DPYS: variants seen among roughly 807,000 people sequenced by gnomAD.
DPYS encodes dihydropyrimidine amidohydrolase.
DPYS carries 39 observed loss-of-function variants against 50.3 expected under a neutral mutation model. The ratio of observed to expected loss-of-function variants is 0.78; its 90% CI spans 0.60 to 1.01. The LOEUF is 1.01. Ranked by LOEUF, DPYS falls within the 50% of genes least tolerant of loss-of-function variation. The pLI, the probability that DPYS is intolerant of heterozygous loss-of-function variation, is 0.00. For synonymous variants in DPYS, 245 were observed against 250.7 expected, an observed-to-expected ratio of 0.98 and a Z score of 0.22; for missense variants, 659 against 680.9, an observed-to-expected ratio of 0.97 and a Z score of 0.36.
intron 3 of DPYS, 116 bp from the exon 4 acceptor site, chr8:104,444,553 T>A (rs931428654): frequency 9.6e-7 from 1 of 1,041,346 alleles, no homozygotes; most frequent in African/African-American, 1.6e-5. Context: ...GGTATAGGGG[T>A]GTGTGTGTGT....
chr8:104,466,834 G>A lies in DPYS; in HGVS notation c.87C>T (p.Asp29=). Residue 29 remains aspartate (D), a synonymous_variant, in exon 1 of 10, where the codon GAC becomes GAT. Coordinates refer to ENST00000351513, the MANE Select transcript of DPYS (RefSeq NM_001385.3). ...FSEVADVLVE[D]GVVRALGHDL... ...CGTGCCCGAGTGCCCGCACCACGCCGTCCTCCACCAGCACGTCGGCCACCT... is the reference window on the plus strand; with the variant it reads ...CGTGCCCGAGTGCCCGCACCACGCCATCCTCCACCAGCACGTCGGCCACCT... The A allele has an allele frequency of 6.5e-7, 1 of 1,533,096 alleles. No individual in the cohort carries two copies. The highest frequency in any genetic ancestry group is 8.7e-7 in the Non-Finnish European group (1 of 1,145,276). 95.0% of individuals were successfully genotyped at this position (1,533,096 alleles called of 1,614,324 possible).
intron 7 of DPYS, among the ~76,000 whole-genome samples, chr8:104,393,521 G>A (rs1513026): frequency 0.35 from 53,599 of 152,038 alleles, 12,384 homozygotes; most frequent in African/African-American, 0.65. Context: ...GGAAAAGTAT[G>A]TATGGAATTT....
chr8:104,432,125 T>C (rs1397563741), intron 4 of DPYS, among the ~76,000 whole-genome samples: 2 of 152,184 alleles, frequency 1.3e-5, no homozygotes, highest in Admixed American at 6.5e-5. Context: ...TCATCATTAA[T>C]CTCCTCCCAC....
At chr8:104,388,717 C>A (rs998107925) in intron 8 of DPYS, among the ~76,000 whole-genome samples, 10 of 152,130 alleles carry the variant, frequency 6.6e-5, no homozygotes, top group Admixed American at 2.0e-4. Flanking sequence ...CCCTTAGGAT[C>A]AGCTGTCTAC....
chr8:104,463,314 C>A (rs73293241), intron 1 of DPYS, among the ~76,000 whole-genome samples: 3,714 of 152,226 alleles, frequency 0.024, 146 homozygotes, highest in African/African-American at 0.083. Context: ...ATTTTGATAA[C>A]CTTAACTGCC....
At chr8:104,398,854 A>T (rs1440302179) in intron 7 of DPYS, among the ~76,000 whole-genome samples, 1 of 152,180 alleles carries the variant, frequency 6.6e-6, no homozygotes, top group Non-Finnish European at 1.5e-5. Context: ...TAACTTGCCC[A>T]AAGTGGCTTC....
intron 6 of DPYS, among the ~76,000 whole-genome samples, chr8:104,425,814 G>A (rs1264035962): frequency 6.6e-6 from 1 of 151,910 alleles, no homozygotes; most frequent in East Asian, 1.9e-4. Context: ...ATGGTAAGAG[G>A]GTACTAAAGG....
intron 7 of DPYS, chr8:104,423,907 C>A (rs1158276025): frequency 1.2e-6 from 1 of 854,394 alleles, no homozygotes; most frequent in Non-Finnish European, 1.4e-6. Context: ...TCAATTCAAC[C>A]CTTTTCAAAC....
chr8:104,445,142 G>C (rs1813484532), intron 3 of DPYS, among the ~76,000 whole-genome samples: 1 of 152,290 alleles, frequency 6.6e-6, no homozygotes, highest in African/African-American at 2.4e-5. Flanking sequence ...TGGAGAAAAG[G>C]GAACCTATGT....
chr8:104,409,764 T>C (rs1056558437), intron 7 of DPYS, among the ~76,000 whole-genome samples: 2 of 152,228 alleles, frequency 1.3e-5, no homozygotes, highest in Non-Finnish European at 1.5e-5. Context: ...ATTAAAGGCA[T>C]TAACTCTTCT....
chr8:104,402,132 A>G (rs1344912666), intron 7 of DPYS, among the ~76,000 whole-genome samples: 1 of 152,210 alleles, frequency 6.6e-6, no homozygotes, highest in Non-Finnish European at 1.5e-5. Context: ...TCATGGTGAG[A>G]TAAATTGGAT....
Position 104,429,583 on chromosome 8 carries a change from G to T in DPYS, c.912C>A (p.Asp304Glu). ...HHVMGPPLRPDPSTPDFLMNL... is the reference protein window; with the variant it reads ...HHVMGPPLRPEPSTPDFLMNL... ...TCATGAGGAAGTCGGGTGTTGAGGG[G>T]TCTGGTCGCAAAGGTGGACCCATGA... The change falls in exon 5 of 10, where the codon GAC becomes GAA. Residue 304 changes from aspartate to glutamate, a missense_variant. Coordinates refer to ENST00000351513, the MANE Select transcript of DPYS (RefSeq NM_001385.3). 1 of 1,614,116 alleles carries T rather than the reference G, an allele frequency of 6.2e-7. No homozygotes were observed.
At chr8:104,453,952 T>C (rs1701664467) in intron 1 of DPYS, among the ~76,000 whole-genome samples, 1 of 152,128 alleles carries the variant, frequency 6.6e-6, no homozygotes, top group South Asian at 2.1e-4. Flanking sequence ...AAAGATAATA[T>C]ATTGTGTGAT....
At chr8:104,443,142 T>A (rs1813410552) in intron 4 of DPYS, among the ~76,000 whole-genome samples, 1 of 152,244 alleles carries the variant, frequency 6.6e-6, no homozygotes, top group African/African-American at 2.4e-5. Context: ...TGTCTCTGAT[T>A]ATCTGCATTC....
chr8:104,402,988 G>T (rs1811871390), intron 7 of DPYS, among the ~76,000 whole-genome samples: 1 of 152,086 alleles, frequency 6.6e-6, no homozygotes. Context: ...ACAATGATCG[G>T]GATATAAACC....
chr8:104,415,522 G>A (rs1812334127), intron 7 of DPYS, among the ~76,000 whole-genome samples: 2 of 151,378 alleles, frequency 1.3e-5, no homozygotes, highest in Admixed American at 1.3e-4. Context: ...ATAAAGAGTG[G>A]TTAAAATTGT....
At chr8:104,397,430 T>G (rs941727736) in intron 7 of DPYS, among the ~76,000 whole-genome samples, 4 of 152,176 alleles carry the variant, frequency 2.6e-5, no homozygotes, top group Non-Finnish European at 5.9e-5. Context: ...TTTAGTCAGG[T>G]TGGTTTAAAT....
At position 104,453,579 on chromosome 8, in the gene DPYS, A is replaced by G. The variant is rs752385055; in HGVS notation, c.265-2175T>C. On this transcript the variant is annotated intron_variant, in intron 1 of 9. Transcript: ENST00000351513. ...ACCACACGCAGGATGTGGAGAAACT[A>G]GATACACAGCTGGTGGGAATGCAAA... Among the ~76,000 whole-genome samples, 12 of 152,340 alleles carry G rather than the reference A, an allele frequency of 7.9e-5. No homozygotes were observed. The South Asian group carries it at 2.3e-3, about 29-fold the overall frequency.
chr8:104,433,731 A>G (rs2333871), intron 4 of DPYS, among the ~76,000 whole-genome samples: 28,194 of 152,170 alleles, frequency 0.19, 3,313 homozygotes, highest in South Asian at 0.3. Context: ...GCATCAGTTC[A>G]TTGCACATGA....
Sources: gnomAD v4.1 joint callset for allele counts (sites outside exome capture counted in the v4.1 genomes callset) on GRCh38, gnomAD v4.1.1 for gene constraint, MANE v1.5 for transcripts, NCBI Gene and HGNC (gene_info 2026-07-23, HGNC 2026-07-21) for gene names.